Variants in CRTAM observed in about 807,000 individuals in gnomAD.
The protein encoded by CRTAM is cytotoxic and regulatory T-cell molecule.
In CRTAM, 44 loss-of-function variants were observed where a neutral mutation model predicts 50.0. The ratio of observed to expected loss-of-function variants is 0.88; its 90% CI spans 0.69 to 1.13. CRTAM has a LOEUF of 1.13. CRTAM is among the 50% of genes most tolerant of loss of function. The probability of loss-of-function intolerance (pLI) is 0.00; values close to 1 mark genes in which losing one functional copy is unlikely to be tolerated. For synonymous variants in CRTAM, 159 were observed against 169.3 expected (o/e 0.94, Z 0.47); for missense variants, 448 against 457.5 (o/e 0.98, Z 0.19).
In CRTAM at chr11:122,864,705, C is replaced by T. The variant is rs1329530466; in HGVS notation, c.803C>T (p.Pro268Leu). ...GAGAAAGAACAAACCACTCAAGATCCTGACTTGACCACCGGTAAGTGTCAC... is the reference window on the plus strand; with the variant it reads ...GAGAAAGAACAAACCACTCAAGATCTTGACTTGACCACCGGTAAGTGTCAC... ...KEEKEQTTQD[P>L]DLTTEANPQY... The change falls in exon 7 of 10, where the codon CCT becomes CTT. Residue 268 changes from proline (P) to leucine (L), a missense_variant. Pro to Leu is a moderately conservative substitution (Grantham distance 98, BLOSUM62 -3). Coordinates refer to ENST00000227348, the MANE Select transcript of CRTAM (RefSeq NM_019604.4). 1.2e-6 allele frequency: 2 copies of T among 1,612,006 alleles called. No homozygotes were observed. The highest frequency in any genetic ancestry group is 2.2e-5 in the South Asian group (2 of 90,998).
chr11:122,860,819 C>T (rs545987158), intron 5 of CRTAM, among the ~76,000 whole-genome samples: 1 of 152,262 alleles, frequency 6.6e-6, no homozygotes, highest in African/African-American at 2.4e-5. Context: ...ATCCTCCTAC[C>T]TTGGCCTCCT....
Position 122,850,066 on chromosome 11 carries a change from A to T in CRTAM, c.47-2A>T. 1 of 1,601,496 alleles carries T rather than the reference A, an allele frequency of 6.2e-7. No homozygotes were observed. Among genetic ancestry groups the T allele is most frequent in the Non-Finnish European group, 8.5e-7 (1 of 1,171,804 alleles). On this transcript the variant is annotated splice_acceptor_variant, in intron 1 of 9. Transcript: ENST00000227348. LOFTEE classifies it high-confidence loss of function. ...ATCATCCCCATTTCTCTTCCTCCAC[A>T]GAGGCCTCTCTGACTAACCACACAG...
chr11:122,864,905 G>C (rs753402883), intron 7 of CRTAM, among the ~76,000 whole-genome samples, 186 bp downstream of exon 7: 3 of 151,864 alleles, frequency 2.0e-5, no homozygotes, highest in Non-Finnish European at 1.5e-5. Flanking sequence ...ACTTTTCCTG[G>C]TTCTGTTATT....
rs551716186 is a variant in CRTAM at position 122,871,021 on chromosome 11, G to A, written c.1052-248G>A. On this transcript the variant is annotated intron_variant, in intron 9 of 9. Transcript: ENST00000227348. ...TTGAGCCCGGGAGGCTGAGGCTGCA[G>A]TGGGCCGTGATCACACCACTGCACT... 2.0e-3 allele frequency among the ~76,000 whole-genome samples: 303 copies of A among 152,280 alleles called. 1 individual carries two copies. Among genetic ancestry groups the A allele is most frequent in the South Asian group, 2.9e-3 (14 of 4,826 alleles).
intron 3 of CRTAM, among the ~76,000 whole-genome samples, chr11:122,852,090 G>T (rs1861937690): frequency 6.6e-6 from 1 of 152,128 alleles, no homozygotes; most frequent in African/African-American, 2.4e-5. Flanking sequence ...GGAACTAAAA[G>T]AAAAGAAAAA....
chr11:122,870,389 G>C (rs986187124), intron 9 of CRTAM, among the ~76,000 whole-genome samples: 1 of 152,040 alleles, frequency 6.6e-6, no homozygotes, highest in Non-Finnish European at 1.5e-5. Flanking sequence ...CCAACTTTAA[G>C]AATATTTAAA....
intron 6 of CRTAM, among the ~76,000 whole-genome samples, chr11:122,863,767 A>G (rs766727470): frequency 6.6e-6 from 1 of 152,108 alleles, no homozygotes; most frequent in Non-Finnish European, 1.5e-5. Context: ...GAGCAACTCA[A>G]TTTTCTGCTC....
chr11:122,866,610 T>TC (rs917990088), intron 7 of CRTAM, among the ~76,000 whole-genome samples: 4 of 147,098 alleles, frequency 2.7e-5, no homozygotes, highest in Non-Finnish European at 6.1e-5. Context: ...AGAAAGCCTT[T>TC]TTTTTTTTTT....
At chr11:122,865,031 TTA>T (rs1009565146) in intron 7 of CRTAM, among the ~76,000 whole-genome samples, 1 of 151,860 alleles carries the variant, frequency 6.6e-6, no homozygotes, top group Non-Finnish European at 1.5e-5. Flanking sequence ...TCCCTTTTTT[TTA>T]TATATATATA....
At chr11:122,844,879 G>A (rs1268695992) in intron 1 of CRTAM, among the ~76,000 whole-genome samples, 1 of 152,214 alleles carries the variant, frequency 6.6e-6, no homozygotes, top group Admixed American at 6.5e-5. Flanking sequence ...TCTTTACAGA[G>A]TTATTGGTTT....
At chr11:122,869,633 CTT>C (rs1862226603) in intron 9 of CRTAM, among the ~76,000 whole-genome samples, 1 of 152,220 alleles carries the variant, frequency 6.6e-6, no homozygotes, top group South Asian at 2.1e-4. Context: ...TACAAACTAA[CTT>C]ATTCTACCCG....
chr11:122,847,203 T>C (rs1591348977), intron 1 of CRTAM, among the ~76,000 whole-genome samples: 1 of 152,202 alleles, frequency 6.6e-6, no homozygotes, highest in Non-Finnish European at 1.5e-5. Flanking sequence ...AAGTTCGTGC[T>C]GTTAGTAGTG....
In CRTAM at chr11:122,855,471, A is replaced by T. The variant is rs77966462; in HGVS notation, c.491-224A>T. Among the ~76,000 whole-genome samples the T allele has an allele frequency of 9.8e-3, 1,497 of 152,226 alleles. 25 individuals are homozygous for T. The highest frequency in any genetic ancestry group is 0.034 in the African/African-American group (1,402 of 41,536). On this transcript the variant is annotated intron_variant, in intron 4 of 9. Transcript: ENST00000227348. ...ATCAAGCTGTCCTTCTTAAGCTTTG[A>T]ATTTTTTTTTCCAGTAGTGAAAAGT...
At chr11:122,867,354 CAAAAAAAAAA>C in intron 7 of CRTAM, 45 bp from the exon 8 acceptor site, 1 of 1,243,370 alleles carries the variant, frequency 8.0e-7, no homozygotes, top group Non-Finnish European at 1.1e-6. Flanking sequence ...TCTCCAGTGG[CAAAAAAAAAA>C]AAAAAACCCA....
chr11:122,848,507 A>T lies in CRTAM; in HGVS notation c.47-1561A>T, dbSNP rs539502266. On this transcript the variant is annotated intron_variant, in intron 1 of 9. Transcript: ENST00000227348. ...TGGTGGATGATATGGGTGTTTTTCC[A>T]TTAGAACTCCAGCAAACAGTTTCCC... is the stretch of plus-strand genomic sequence containing the variant. Among the ~76,000 whole-genome samples, 4 of 152,258 alleles carry T rather than the reference A, an allele frequency of 2.6e-5. No homozygotes were observed. In the East Asian group the frequency reaches 5.8e-4, roughly 22 times the overall value.
At chr11:122,838,679 G>C in intron 1 of CRTAM, 87 bp downstream of exon 1, 1 of 1,277,430 alleles carries the variant, frequency 7.8e-7, no homozygotes, top group East Asian at 2.3e-5. Flanking sequence ...TGCATTTACA[G>C]AGGAGCTGCT....
intron 7 of CRTAM, 148 bp from the exon 8 acceptor site, chr11:122,867,261 A>G: frequency 1.6e-6 from 1 of 623,936 alleles, no homozygotes; most frequent in Non-Finnish European, 2.7e-6. Context: ...AAGTCTCTTT[A>G]CCTTCAGGGG....
At chr11:122,853,896 A>G in intron 3 of CRTAM, 47 bp from the exon 4 acceptor site, 1 of 1,582,014 alleles carries the variant, frequency 6.3e-7, no homozygotes, top group Non-Finnish European at 8.7e-7. Context: ...TTGTTGAGAT[A>G]TGCAGACTCA....
rs1165194816 is a variant in CRTAM, at chr11:122,850,174, G to A, written c.153G>A (p.Leu51=). ...SLRKNSSLQW[L]TPSGFTIFLN... is the part of the protein sequence containing the mutation. The stretch of plus-strand genomic sequence containing the variant: ...GGAAGAACTCCTCCCTCCAGTGGCT[G>A]ACCCCCTCAGGGTTCACCATTTTTT... Residue 51 remains leucine, a synonymous_variant, in exon 2 of 10, where the codon CTG becomes CTA. Transcript: ENST00000227348. 1 of 1,613,244 alleles carries A rather than the reference G, an allele frequency of 6.2e-7. No individual in the cohort carries two copies.
Sources: allele counts gnomAD v4.1 joint callset (sites outside exome capture counted in the v4.1 genomes callset), GRCh38; gene constraint gnomAD v4.1.1; transcripts MANE v1.5; gene names NCBI Gene and HGNC (gene_info 2026-07-23, HGNC 2026-07-21).